Variants in CACNA1H observed in about 807,000 individuals in gnomAD.
CACNA1H encodes the protein voltage-dependent T-type calcium channel subunit alpha-1H.
A neutral mutation model predicts 192.5 loss-of-function variants in CACNA1H; 149 were observed. That is an observed-to-expected ratio of 0.77 (90% confidence interval 0.68 to 0.89). CACNA1H has a LOEUF of 0.89. Among genes scored for constraint, CACNA1H ranks in the 40% least tolerant of loss-of-function variants. CACNA1H has a pLI of 0.00. For synonymous variants in CACNA1H, 2,202 were observed against 1,475.2 expected (o/e 1.49, Z -11.29); for missense variants, 4,257 against 3,423.5 (o/e 1.24, Z -6.08).
At position 1,217,925 on chromosome 16, in the gene CACNA1H, G is replaced by A; in HGVS notation, c.5330G>A (p.Ser1777Asn). The A allele has an allele frequency of 6.2e-7, 1 of 1,603,938 alleles. No individual in the cohort carries two copies. The highest frequency in any genetic ancestry group is 8.5e-7 in the Non-Finnish European group (1 of 1,176,218). Residue 1777 changes from serine (S) to asparagine (N), a missense_variant, in exon 32 of 35, where the codon AGT becomes AAT. Coordinates refer to ENST00000348261, the MANE Select transcript of CACNA1H (RefSeq NM_021098.3). ...GVELFGRLEC[S>N]EDNPCEGLSR... ...GGGGTCTCCCTCCCCGCAGAGTGCA[G>A]TGAAGACAACCCCTGCGAGGGCCTG... is the stretch of plus-strand genomic sequence containing the variant.
chr16:1,181,415 A>G (rs1447532741), intron 2 of CACNA1H, among the ~76,000 whole-genome samples: 1 of 152,234 alleles, frequency 6.6e-6, no homozygotes, highest in African/African-American at 2.4e-5. Context: ...CGCGTCGGCC[A>G]GGAGAGTCTG....
intron 16 of CACNA1H, 89 bp downstream of exon 16, chr16:1,208,310 C>T (rs1345314629): frequency 3.4e-6 from 3 of 884,032 alleles, no homozygotes; most frequent in Admixed American, 4.5e-5. Flanking sequence ...TGAGTGAGGG[C>T]CGCACCCCCC....
At chr16:1,201,590 C>G in intron 8 of CACNA1H, 73 bp from the exon 9 acceptor site, 1 of 1,474,124 alleles carries the variant, frequency 6.8e-7, no homozygotes, top group Middle Eastern at 2.5e-4. Flanking sequence ...GAACAGGCAG[C>G]GCACAGTAGG....
At chr16:1,217,149 C>G (rs1337509304) in intron 31 of CACNA1H, 139 bp downstream of exon 31, 12 of 701,102 alleles carry the variant, frequency 1.7e-5, no homozygotes, top group Non-Finnish European at 2.8e-5. Context: ...GGCGTCCTCA[C>G]CCGGCCCTGC....
rs1248767360 is a variant in CACNA1H, at chr16:1,206,152, C to T, written c.2652C>T (p.Arg884=). 6.3e-7 allele frequency: 1 copy of T among 1,586,198 alleles called. No individual in the cohort carries two copies. The change falls in exon 12 of 35, where the codon CGC becomes CGT. Residue 884 remains arginine, a synonymous_variant. Coordinates refer to ENST00000348261, the MANE Select transcript of CACNA1H (RefSeq NM_021098.3). ...CGGACGGTGGCTTGTCTGTGCTGCG[C>T]ACCTTCCGGCTGCTGCGTGTGCTGA... is the stretch of plus-strand genomic sequence containing the variant. The part of the protein sequence containing the change: ...GQADGGLSVL[R]TFRLLRVLKL...
At chr16:1,175,065 A>C (rs1457183740) in intron 2 of CACNA1H, among the ~76,000 whole-genome samples, 2 of 151,946 alleles carry the variant, frequency 1.3e-5, no homozygotes, top group African/African-American at 4.8e-5. Context: ...GTCCTACTCT[A>C]CGCACAGGTC....
At chr16:1,156,012 G>T (rs954709752) in intron 2 of CACNA1H, among the ~76,000 whole-genome samples, 5 of 152,140 alleles carry the variant, frequency 3.3e-5, no homozygotes, top group African/African-American at 1.2e-4. Flanking sequence ...TCTCAGCCTG[G>T]GAAGAACAGA....
At chr16:1,182,873 G>GCTGAGTC (rs1020426320) in intron 2 of CACNA1H, among the ~76,000 whole-genome samples, 3 of 152,106 alleles carry the variant, frequency 2.0e-5, no homozygotes, top group Non-Finnish European at 2.9e-5. Context: ...CCTCTCTGGA[G>GCTGAGTC]CTGAGTCCTG....
At chr16:1,214,137 C>T (rs1032486968) in intron 27 of CACNA1H, among the ~76,000 whole-genome samples, 3 of 152,114 alleles carry the variant, frequency 2.0e-5, no homozygotes, top group South Asian at 2.1e-4. Flanking sequence ...CCAACCTGGC[C>T]GTGAGTGTCC....
chr16:1,178,963 C>T (rs1965194762), intron 2 of CACNA1H, among the ~76,000 whole-genome samples: 1 of 152,222 alleles, frequency 6.6e-6, no homozygotes, highest in Admixed American at 6.5e-5. Context: ...GCCCCGTGCC[C>T]CTCCCAGCCC....
In CACNA1H at chr16:1,221,609, C is replaced by A; in HGVS notation, c.*615C>A. The A allele has an allele frequency of 1.4e-6, 1 of 695,240 alleles. No homozygotes were observed. Among genetic ancestry groups the A allele is most frequent in the Non-Finnish European group, 2.3e-6 (1 of 430,164 alleles). 43.1% of individuals were successfully genotyped at this position (695,240 alleles called of 1,614,324 possible). ...CGGCCCCGATGCGAATCAGGCCTCC[C>A]CTACATCTGGGGGCGTTGGCCGCGA... is the stretch of plus-strand genomic sequence containing the variant. On this transcript the variant is annotated 3_prime_UTR_variant, in exon 35 of 35. Coordinates refer to ENST00000348261, the MANE Select transcript of CACNA1H (RefSeq NM_021098.3).
chr16:1,178,050 C>CCCCCCGG (rs1965076941), intron 2 of CACNA1H, among the ~76,000 whole-genome samples: 2 of 98,232 alleles, frequency 2.0e-5, no homozygotes, highest in African/African-American at 1.0e-4. Flanking sequence ...GTCCCTCCCC[C>CCCCCCGG]ACCCCGGAAC....
chr16:1,164,521 T>A (rs965209923), intron 2 of CACNA1H, among the ~76,000 whole-genome samples: 8 of 152,196 alleles, frequency 5.3e-5, no homozygotes, highest in Non-Finnish European at 1.2e-4. Flanking sequence ...CTCAGCCTGA[T>A]AACTGAGATG....
Position 1,212,122 on chromosome 16 carries a change from A to C in CACNA1H, c.4743A>C (p.Leu1581=), listed in dbSNP as rs1201603119. The C allele has an allele frequency of 1.2e-6, 2 of 1,607,454 alleles. No individual in the cohort carries two copies. ...GAGAGGAGAAGCGGCTGCGGCGCCT[A>C]GAGAGGAGGCGCAGGAGTAAGGCGC... is the stretch of plus-strand genomic sequence containing the variant. The part of the protein sequence containing the change: ...RRREEKRLRR[L]ERRRRSTFPS... Residue 1581 remains leucine (L), a synonymous_variant, in exon 25 of 35, where the codon CTA becomes CTC. Coordinates refer to ENST00000348261, the MANE Select transcript of CACNA1H (RefSeq NM_021098.3).
At position 1,205,096 on chromosome 16, in the gene CACNA1H, C is replaced by A; in HGVS notation, c.2452-18C>A. The A allele has an allele frequency of 6.2e-7, 1 of 1,606,438 alleles. No individual in the cohort carries two copies. The highest frequency in any genetic ancestry group is 1.3e-5 in the African/African-American group (1 of 74,920). On this transcript the variant is annotated intron_variant, in intron 10 of 34. Transcript: ENST00000348261. ...CCGCGGGTGCGGCCTCCTGAACTGT[C>A]CCCACCTCTGCCTGCAGCCCGAGGA...
rs1385460778 is a variant in CACNA1H at position 1,211,515 on chromosome 16, C to G, written c.4385C>G (p.Pro1462Arg). The change falls in exon 23 of 35, where the codon CCC becomes CGC. Residue 1462 changes from proline to arginine, a missense_variant. Pro to Arg is a moderately radical substitution (Grantham distance 103). Coordinates refer to ENST00000348261, the MANE Select transcript of CACNA1H (RefSeq NM_021098.3). ...GGGAAGTTCTACTACTGCGAGGGCC[C>G]CGACACCAGGAACATCTCCACCAAG... is the stretch of plus-strand genomic sequence containing the variant. ...FKGKFYYCEG[P>R]DTRNISTKAQ... 6.2e-7 allele frequency: 1 copy of G among 1,612,494 alleles called. No homozygotes were observed. Among genetic ancestry groups the G allele is most frequent in the Non-Finnish European group, 8.5e-7 (1 of 1,179,722 alleles).
rs937802248 is a variant in CACNA1H at position 1,199,583 on chromosome 16, A to C, written c.804-673A>C. 5.4e-4 allele frequency among the ~76,000 whole-genome samples: 81 copies of C among 148,708 alleles called. 1 individual carries two copies. The highest frequency in any genetic ancestry group is 1.8e-4 in the Non-Finnish European group (12 of 67,068). On this transcript the variant is annotated intron_variant, in intron 6 of 34. Transcript: ENST00000348261. ...ACTTCATCCCCTCCCCACACCCCAG[A>C]GTCCGTCACACCTTACCCCAGGGTC...
chr16:1,209,639 C>G (rs1242982362), intron 17 of CACNA1H, among the ~76,000 whole-genome samples: 1 of 152,232 alleles, frequency 6.6e-6, no homozygotes, highest in Non-Finnish European at 1.5e-5. Flanking sequence ...GCTAAACGCT[C>G]CACGCACGGC....
chr16:1,183,311 C>A lies in CACNA1H; in HGVS notation c.300-11661C>A, dbSNP rs544019961. 2.0e-5 allele frequency among the ~76,000 whole-genome samples: 3 copies of A among 152,282 alleles called. No homozygotes were observed. The South Asian group carries it at 6.2e-4, about 32-fold the overall frequency. On this transcript the variant is annotated intron_variant, in intron 2 of 34. Transcript: ENST00000348261. ...CAGCACAGAGGGGTTCTTAGGACCTCACCCCTTCCTGAGTTAAAACCCTGC... is the reference window on the plus strand; with the variant it reads ...CAGCACAGAGGGGTTCTTAGGACCTAACCCCTTCCTGAGTTAAAACCCTGC...
Sources: gnomAD v4.1 joint callset for allele counts (sites outside exome capture counted in the v4.1 genomes callset) on GRCh38, gnomAD v4.1.1 for gene constraint, MANE v1.5 for transcripts, NCBI Gene and HGNC (gene_info 2026-07-23, HGNC 2026-07-21) for gene names.